The following SLC12A4 variants were observed in gnomAD, a reference collection of about 807,000 sequenced individuals.
The protein encoded by SLC12A4 is solute carrier family 12 member 4.
A neutral mutation model predicts 119.2 loss-of-function variants in SLC12A4; 84 were observed. That is an observed-to-expected ratio of 0.70 (90% CI 0.59 to 0.85). The LOEUF is 0.85. Ranked by LOEUF, SLC12A4 falls within the 40% of genes least tolerant of loss-of-function variation. The pLI, the probability that SLC12A4 is intolerant of heterozygous loss-of-function variation, is 0.00. For missense variants in SLC12A4, 1,298 were observed against 1,476.3 expected, an observed-to-expected ratio of 0.88 and a Z score of 1.98; for synonymous variants, 599 against 604.6, an observed-to-expected ratio of 0.99 and a Z score of 0.14.
chr16:67,954,902 G>A (rs2030164779), intron 5 of SLC12A4, 129 bp from the exon 6 acceptor site: 14 of 1,155,922 alleles, frequency 1.2e-5, no homozygotes, highest in Non-Finnish European at 1.6e-5. Context: ...TGAGTAGAGG[G>A]GCTGGGAGAC....
At position 67,951,198 on chromosome 16, in the gene SLC12A4, G is replaced by T; in HGVS notation, c.1239C>A (p.Val413=). Reference sequence around the variant, plus strand: ...CGGTGAAGGATGTGGCGATGTCAGCGACCACGTACAGAGGCAGGCTCTCCT... The same window carrying T: ...CGGTGAAGGATGTGGCGATGTCAGCTACCACGTACAGAGGCAGGCTCTCCT... ...SLKESLPLYV[V]ADIATSFTVL... The change falls in exon 9 of 24, where the codon GTC becomes GTA. Residue 413 remains valine, a synonymous_variant. Coordinates refer to ENST00000316341, the MANE Select transcript of SLC12A4 (RefSeq NM_005072.5). This position sits in a 1 kb window ranked among gnomAD's most constrained non-coding sequence, Gnocchi z 5.2. The T allele has an allele frequency of 6.2e-7, 1 of 1,614,112 alleles. No homozygotes were observed. Among genetic ancestry groups the T allele is most frequent in the Non-Finnish European group, 8.5e-7 (1 of 1,179,988 alleles).
At position 67,949,078 on chromosome 16, in the gene SLC12A4, A is replaced by G. The variant is rs1429380340; in HGVS notation, c.1748+722T>C. 2.0e-4 allele frequency among the ~76,000 whole-genome samples: 30 copies of G among 152,324 alleles called. No individual in the cohort carries two copies. The highest frequency in any genetic ancestry group is 1.5e-5 in the Non-Finnish European group (1 of 68,026). On this transcript the variant is annotated intron_variant, in intron 13 of 23. Coordinates refer to ENST00000316341, the MANE Select transcript of SLC12A4 (RefSeq NM_005072.5). The surrounding 1 kb of genome is among the most constrained non-coding windows in gnomAD (Gnocchi z 4.6). ...TGCCTCGGGGTCCCTGGGAGTCACC[A>G]CATGCTGGCCACTCCCTGCAAGGCA...
In SLC12A4 at chr16:67,954,720, C is replaced by T. The variant is rs1480568062; in HGVS notation, c.598G>A (p.Ala200Thr). The change falls in exon 6 of 24, where the codon GCT (alanine) becomes ACT (threonine). Residue 200 changes from alanine (A) to threonine (T), a missense_variant. Physicochemically the swap from Ala to Thr is moderately conservative, Grantham distance 58. Transcript: ENST00000316341. ...SRSLGPEFGG[A>T]VGLCFYLGTT... ...CCCAGGTAGAAGCACAGGCCCACAGCACCTCCAAATTCTGGCCCCAGTGAA... is the reference window on the plus strand; with the variant it reads ...CCCAGGTAGAAGCACAGGCCCACAGTACCTCCAAATTCTGGCCCCAGTGAA... The T allele has an allele frequency of 6.2e-7, 1 of 1,614,210 alleles. No homozygotes were observed. The highest frequency in any genetic ancestry group is 8.5e-7 in the Non-Finnish European group (1 of 1,180,038).
chr16:67,957,658 G>T (rs1231565025), intron 5 of SLC12A4, 84 bp downstream of exon 5: 2 of 1,507,888 alleles, frequency 1.3e-6, no homozygotes, highest in South Asian at 2.3e-5. Context: ...TGGGGCAGGG[G>T]TGTGCTATGG....
Position 67,944,220 on chromosome 16 carries a change from A to G in SLC12A4, c.*620T>C. ...GGCCTGGCCAGTGGGGGTTGTGGCCAGAGATTGCCGGAAAGGGGCACAGCC... is the reference window on the plus strand; with the variant it reads ...GGCCTGGCCAGTGGGGGTTGTGGCCGGAGATTGCCGGAAAGGGGCACAGCC... On this transcript the variant is annotated 3_prime_UTR_variant, in exon 24 of 24. Coordinates refer to ENST00000316341, the MANE Select transcript of SLC12A4 (RefSeq NM_005072.5). The surrounding 1 kb of genome is among the most constrained non-coding windows in gnomAD (Gnocchi z 6.6). 3 of 1,455,254 alleles carry G rather than the reference A, an allele frequency of 2.1e-6. No homozygotes were observed. Among genetic ancestry groups the G allele is most frequent in the Non-Finnish European group, 2.7e-6 (3 of 1,099,746 alleles). 90.1% of individuals were successfully genotyped at this position (1,455,254 alleles called of 1,614,324 possible).
At chr16:67,945,710 T>G in intron 21 of SLC12A4, 54 bp downstream of exon 21, 1 of 1,562,390 alleles carries the variant, frequency 6.4e-7, no homozygotes, top group Non-Finnish European at 8.8e-7. Context: ...CGATGCGGTC[T>G]CCAAAGGCCT....
At chr16:67,967,018 G>A (rs1202643795) in intron 1 of SLC12A4, 3 of 790,122 alleles carry the variant, frequency 3.8e-6, no homozygotes, top group Non-Finnish European at 5.5e-6. Context: ...ACCCTCTGGG[G>A]AGAGAGGTCC....
chr16:67,964,019 G>A (rs770257614), intron 1 of SLC12A4: 2 of 1,551,078 alleles, frequency 1.3e-6, no homozygotes, highest in African/African-American at 1.4e-5. Flanking sequence ...CAGCACCTTC[G>A]GCTGCCATGG....
chr16:67,963,739 G>C (rs1018633258), intron 1 of SLC12A4, among the ~76,000 whole-genome samples, 180 bp from the exon 2 acceptor site: 6 of 152,242 alleles, frequency 3.9e-5, no homozygotes, highest in African/African-American at 1.4e-4. Flanking sequence ...GGGATAGCCA[G>C]AGAGAGGCCA....
intron 3 of SLC12A4, 72 bp from the exon 4 acceptor site, chr16:67,958,116 C>T: frequency 1.3e-6 from 2 of 1,529,138 alleles, no homozygotes; most frequent in Non-Finnish European, 8.9e-7. Context: ...GCCCTAGTCA[C>T]TCAGCAGGCC....
rs998107293 is a variant in SLC12A4 at position 67,963,972 on chromosome 16, GC to G, written c.116-414del. On this transcript the variant is annotated intron_variant, in intron 1 of 23. Transcript: ENST00000316341. ...CAAGGGTTCGGTGTCCTCAGGGACC[GC>G]CCAGGCAGTGCCCTCCAGATAGACG... 7 of 1,551,306 alleles carry G rather than the reference GC, an allele frequency of 4.5e-6. No individual in the cohort carries two copies. In the African/African-American group the frequency reaches 8.2e-5, roughly 18 times the overall value.
In SLC12A4 at chr16:67,946,658, A is replaced by G. The variant is rs1389553340; in HGVS notation, c.2242-25T>C. ...TCTGTGGGGAACACACCCAGGGCCA[A>G]TGGGAGGCCATCAGCTTCCTGCCTC... On this transcript the variant is annotated intron_variant, in intron 17 of 23. Transcript: ENST00000316341. 3 of 1,589,032 alleles carry G rather than the reference A, an allele frequency of 1.9e-6. No homozygotes were observed. In the African/African-American group the frequency reaches 4.0e-5, roughly 21 times the overall value.
In SLC12A4 at chr16:67,949,178, G is replaced by A. The variant is rs544519810; in HGVS notation, c.1748+622C>T. On this transcript the variant is annotated intron_variant, in intron 13 of 23. Transcript: ENST00000316341. The surrounding 1 kb of genome is among the most constrained non-coding windows in gnomAD (Gnocchi z 4.6). ...CTTTGAAAATGGATGGGTTGGGCAT[G>A]GTGGCTCACGCCTGTAATCCCAGCA... Among the ~76,000 whole-genome samples the A allele has an allele frequency of 1.3e-5, 2 of 152,328 alleles. No individual in the cohort carries two copies. Among genetic ancestry groups the A allele is most frequent in the Non-Finnish European group, 2.9e-5 (2 of 68,028 alleles).
chr16:67,963,329 C>A, intron 2 of SLC12A4, 136 bp downstream of exon 2: 1 of 529,680 alleles, frequency 1.9e-6, no homozygotes, highest in Non-Finnish European at 3.3e-6. Context: ...AACTGCAGCC[C>A]GGCTGCCATG....
At position 67,951,228 on chromosome 16, in the gene SLC12A4, G is replaced by T. The variant is rs1056544268; in HGVS notation, c.1209C>A (p.Ser403Arg). 1.9e-6 allele frequency: 3 copies of T among 1,613,966 alleles called. No individual in the cohort carries two copies. The highest frequency in any genetic ancestry group is 2.5e-6 in the Non-Finnish European group (3 of 1,179,986). The change falls in exon 9 of 24, where the codon AGC becomes AGA. Residue 403 changes from serine to arginine, a missense_variant. Coordinates refer to ENST00000316341, the MANE Select transcript of SLC12A4 (RefSeq NM_005072.5). The surrounding 1 kb of genome is among the most constrained non-coding windows in gnomAD (Gnocchi z 5.2). ...KHGLPSADAP[S>R]LKESLPLYVV... ...CGTACAGAGGCAGGCTCTCCTTCAG[G>T]CTCGGGGCATCTGCGGAGGGCAGCC... is the stretch of plus-strand genomic sequence containing the variant.
chr16:67,944,660 A>G lies in SLC12A4; in HGVS notation c.*180T>C, dbSNP rs1464387310. The G allele has an allele frequency of 1.1e-5, 15 of 1,427,070 alleles. No homozygotes were observed. The East Asian group carries it at 2.3e-4, about 22-fold the overall frequency. The allele number at this position is 1,427,070 out of a possible 1,614,324, so 88.4% of individuals were successfully genotyped here. A position where few individuals can be genotyped will look rare whatever the true frequency, so the allele number is the denominator to read the frequency against. On this transcript the variant is annotated 3_prime_UTR_variant, in exon 24 of 24. Transcript: ENST00000316341. This position sits in a 1 kb window ranked among gnomAD's most constrained non-coding sequence, Gnocchi z 6.6. The stretch of plus-strand genomic sequence containing the variant: ...ATCCCAGGGTCCCACAAGACCTGGG[A>G]TCCATCTCCATTTTGAGGCCCAGGC...
At chr16:67,956,453 A>T (rs1464333238) in intron 5 of SLC12A4, among the ~76,000 whole-genome samples, 1 of 152,184 alleles carries the variant, frequency 6.6e-6, no homozygotes, top group Non-Finnish European at 1.5e-5. Flanking sequence ...TGAGAGGCAG[A>T]GGTGGGTGGA....
intron 21 of SLC12A4, 104 bp downstream of exon 21, chr16:67,945,660 G>A (rs1373905249): frequency 6.7e-7 from 1 of 1,490,098 alleles, no homozygotes; most frequent in Non-Finnish European, 9.2e-7. Context: ...ACTAGCTTGG[G>A]TAGGGCTGCG....
chr16:67,944,169 G>A lies in SLC12A4; in HGVS notation c.*671C>T. On this transcript the variant is annotated 3_prime_UTR_variant, in exon 24 of 24. Coordinates refer to ENST00000316341, the MANE Select transcript of SLC12A4 (RefSeq NM_005072.5). This position sits in a 1 kb window ranked among gnomAD's most constrained non-coding sequence, Gnocchi z 6.6. Reference sequence around the variant, plus strand: ...GTCCTTATCTGGTGTGGGAGTGGGAGGGGCCCTAGGGCCAGTGGGAGGGAC... The same window carrying A: ...GTCCTTATCTGGTGTGGGAGTGGGAAGGGCCCTAGGGCCAGTGGGAGGGAC... The A allele has an allele frequency of 6.6e-7, 1 of 1,514,710 alleles. No homozygotes were observed. The highest frequency in any genetic ancestry group is 2.0e-5 in the Admixed American group (1 of 49,088). 93.8% of individuals were successfully genotyped at this position (1,514,710 alleles called of 1,614,324 possible).
Sources: allele counts gnomAD v4.1 joint callset (sites outside exome capture counted in the v4.1 genomes callset), GRCh38; gene constraint gnomAD v4.1.1; non-coding constraint Gnocchi (gnomAD v3.1); transcripts MANE v1.5; gene names NCBI Gene and HGNC (gene_info 2026-07-23, HGNC 2026-07-21).